TCF12: variants seen among roughly 807,000 people sequenced by gnomAD.
TCF12 encodes transcription factor 12.
TCF12 carries 45 observed loss-of-function variants against 86.0 expected under a neutral mutation model. The observed-to-expected ratio is 0.52, with a 90% confidence interval of 0.41 to 0.67. The LOEUF is 0.67. Ranked by LOEUF, TCF12 falls within the 30% of genes least tolerant of loss-of-function variation. The probability of loss-of-function intolerance (pLI) is 0.00; values close to 1 mark genes in which losing one functional copy is unlikely to be tolerated. For synonymous variants in TCF12, 330 were observed against 299.6 expected, an observed-to-expected ratio of 1.10 and a Z score of -1.05; for missense variants, 881 against 859.9, an observed-to-expected ratio of 1.02 and a Z score of -0.31.
At chr15:56,999,020 A>G (rs1396847371) in intron 3 of TCF12, among the ~76,000 whole-genome samples, 1 of 152,040 alleles carries the variant, frequency 6.6e-6, no homozygotes, top group African/African-American at 2.4e-5. Context: ...AACGTGGTGA[A>G]ACCCCATCTC....
chr15:57,015,454 A>T (rs1195987692), intron 3 of TCF12, among the ~76,000 whole-genome samples: 2 of 152,146 alleles, frequency 1.3e-5, no homozygotes, highest in Non-Finnish European at 2.9e-5. Context: ...ATATCTTCAG[A>T]TGTCTTGCCC....
At chr15:57,150,646 C>A (rs1426727766) in intron 5 of TCF12, among the ~76,000 whole-genome samples, 1 of 151,870 alleles carries the variant, frequency 6.6e-6, no homozygotes, top group African/African-American at 2.4e-5. Flanking sequence ...AAAAATGTAC[C>A]CTGTAACCCA....
intron 5 of TCF12, among the ~76,000 whole-genome samples, chr15:57,154,456 G>GAATA (rs1455678972): frequency 6.6e-6 from 1 of 152,116 alleles, no homozygotes; most frequent in Non-Finnish European, 1.5e-5. Flanking sequence ...AGGGAACAAG[G>GAATA]AATAGGCAGG....
At chr15:57,042,530 C>T (rs2066964196) in intron 3 of TCF12, among the ~76,000 whole-genome samples, 1 of 152,150 alleles carries the variant, frequency 6.6e-6, no homozygotes, top group Non-Finnish European at 1.5e-5. Context: ...CATCCTGCCT[C>T]TGCCTCCCGA....
Position 57,063,771 on chromosome 15 carries a change from C to A in TCF12, c.170C>A (p.Thr57Lys), listed in dbSNP as rs200230114. The A allele has an allele frequency of 1.9e-6, 3 of 1,603,494 alleles. No homozygotes were observed. The highest frequency in any genetic ancestry group is 2.6e-6 in the Non-Finnish European group (3 of 1,172,072). The change falls in exon 4 of 21, where the codon ACA becomes AAA. Residue 57 changes from threonine (T) to lysine (K), a missense_variant. Physicochemically the swap from Thr to Lys is moderately conservative, Grantham distance 78. Coordinates refer to ENST00000333725, the MANE Select transcript of TCF12 (RefSeq NM_207037.2). The part of the protein sequence containing the change: ...SGSGIDERGG[T>K]TSWGTSGQPS... The stretch of plus-strand genomic sequence containing the variant: ...TTAGGTATTGATGAAAGAGGAGGTA[C>A]AACATCTTGGGGAACAAGTGGTCAA...
rs371513668 is a variant in TCF12, at chr15:57,150,745, C to T, written c.326-15657C>T. Among the ~76,000 whole-genome samples, 20 of 152,104 alleles carry T rather than the reference C, an allele frequency of 1.3e-4. 1 individual carries two copies. The East Asian group carries it at 2.1e-3, about 16-fold the overall frequency. On this transcript the variant is annotated intron_variant, in intron 5 of 20. Transcript: ENST00000333725. ...GATGTTAAAATGGCTTTTATAAATA[C>T]GCTTGATAGCTCAAGAATGTAGAGG...
intron 3 of TCF12, among the ~76,000 whole-genome samples, chr15:56,988,965 A>G (rs1242540321): frequency 2.6e-5 from 4 of 152,186 alleles, no homozygotes; most frequent in Non-Finnish European, 4.4e-5. Flanking sequence ...TTTTAAAAGT[A>G]TACTATAATC....
At chr15:56,954,145 T>C (rs2061401975) in intron 3 of TCF12, among the ~76,000 whole-genome samples, 1 of 152,172 alleles carries the variant, frequency 6.6e-6, no homozygotes, top group Admixed American at 6.5e-5. Flanking sequence ...ATTTTTCATT[T>C]CATTTTTCTT....
chr15:57,095,198 A>G (rs2049242331), intron 5 of TCF12, among the ~76,000 whole-genome samples: 1 of 152,164 alleles, frequency 6.6e-6, no homozygotes. Flanking sequence ...ACTCTGAAAT[A>G]TTAAAACTGT....
intron 3 of TCF12, among the ~76,000 whole-genome samples, chr15:57,023,245 G>A (rs1343167646): frequency 6.6e-6 from 1 of 152,148 alleles, no homozygotes; most frequent in African/African-American, 2.4e-5. Context: ...TTCAGTGCTT[G>A]TTTAGAGTAT....
chr15:57,230,671 T>TA (rs2059094382), intron 8 of TCF12, among the ~76,000 whole-genome samples: 1 of 152,130 alleles, frequency 6.6e-6, no homozygotes, highest in Non-Finnish European at 1.5e-5. Flanking sequence ...CTTTGATAGT[T>TA]ACCCCTTAAT....
At position 57,157,921 on chromosome 15, in the gene TCF12, G is replaced by A. The variant is rs149448630; in HGVS notation, c.326-8481G>A. Among the ~76,000 whole-genome samples the A allele has an allele frequency of 2.6e-3, 401 of 152,036 alleles. 2 individuals are homozygous for A. Among genetic ancestry groups the A allele is most frequent in the Middle Eastern group, 0.01 (3 of 294 alleles). The stretch of plus-strand genomic sequence containing the variant: ...AAATGTATTTATGTAATTCTTCCCC[G>A]TTCATTCATTTAGAATTTTTTACTA... On this transcript the variant is annotated intron_variant, in intron 5 of 20. Coordinates refer to ENST00000333725, the MANE Select transcript of TCF12 (RefSeq NM_207037.2).
intron 3 of TCF12, among the ~76,000 whole-genome samples, chr15:57,043,790 C>T (rs1424190108): frequency 6.6e-6 from 1 of 152,034 alleles, no homozygotes; most frequent in African/African-American, 2.4e-5. Context: ...GTTATTTCTT[C>T]AAGAAAACTC....
At chr15:57,107,128 A>C (rs759422667) in intron 5 of TCF12, among the ~76,000 whole-genome samples, 1 of 152,264 alleles carries the variant, frequency 6.6e-6, no homozygotes, top group Non-Finnish European at 1.5e-5. Flanking sequence ...AGTTTATAGC[A>C]GCTTTGTTCA....
At chr15:57,175,841 A>C (rs1333585200) in intron 6 of TCF12, among the ~76,000 whole-genome samples, 1 of 152,204 alleles carries the variant, frequency 6.6e-6, no homozygotes, top group African/African-American at 2.4e-5. Context: ...AAAGTTGGAC[A>C]ATAGGTAGAA....
intron 3 of TCF12, among the ~76,000 whole-genome samples, chr15:56,970,890 AAAT>A (rs1393917884): frequency 1.4e-5 from 2 of 141,044 alleles, no homozygotes; most frequent in Admixed American, 7.2e-5. Flanking sequence ...TCTCTACAAA[AAAT>A]AAAAAAAAAA....
chr15:57,246,710 C>A (rs2059879168), intron 13 of TCF12, among the ~76,000 whole-genome samples: 1 of 152,082 alleles, frequency 6.6e-6, no homozygotes, highest in Non-Finnish European at 1.5e-5. Context: ...GAATATACAT[C>A]TTACTGACAC....
chr15:57,280,518 C>G (rs77158342), intron 19 of TCF12, among the ~76,000 whole-genome samples: 1 of 152,162 alleles, frequency 6.6e-6, no homozygotes, highest in Non-Finnish European at 1.5e-5. Context: ...TTTTTAAAAA[C>G]TTGGATGTGA....
intron 3 of TCF12, among the ~76,000 whole-genome samples, chr15:56,994,913 TGTAG>T (rs1245415514): frequency 6.6e-6 from 1 of 152,084 alleles, no homozygotes; most frequent in African/African-American, 2.4e-5. Context: ...GGGTAAATAT[TGTAG>T]ATGGTTTTTC....
Sources: allele counts gnomAD v4.1 joint callset (sites outside exome capture counted in the v4.1 genomes callset), GRCh38; gene constraint gnomAD v4.1.1; transcripts MANE v1.5; gene names NCBI Gene and HGNC (gene_info 2026-07-23, HGNC 2026-07-21).